Variants in RYR3 observed in about 807,000 individuals in gnomAD.
RYR3 encodes brain ryanodine receptor-calcium release channel.
RYR3 carries 207 observed loss-of-function variants against 584.3 expected under a neutral mutation model. The ratio of observed to expected loss-of-function variants is 0.35; its 90% CI spans 0.32 to 0.40. The LOEUF (loss-of-function observed/expected upper bound fraction) is 0.40, where lower values mean the gene tolerates loss of function less well. RYR3 is among the 10% of genes least tolerant of loss of function. The pLI, the probability that RYR3 is intolerant of heterozygous loss-of-function variation, is 1.00. For missense variants in RYR3, 5,616 were observed against 6,089.2 expected (o/e 0.92, Z 2.59); for synonymous variants, 2,416 against 2,248.5 (o/e 1.07, Z -2.11).
At chr15:33,758,506 C>T (rs2072090291) in intron 60 of RYR3, among the ~76,000 whole-genome samples, 1 of 152,176 alleles carries the variant, frequency 6.6e-6, no homozygotes, top group Non-Finnish European at 1.5e-5. Context: ...TTTCCCCTCA[C>T]AGTATAAACA....
intron 7 of RYR3, among the ~76,000 whole-genome samples, chr15:33,541,513 T>G (rs2055813218): frequency 6.6e-6 from 1 of 152,184 alleles, no homozygotes; most frequent in Non-Finnish European, 1.5e-5. Flanking sequence ...CTTACCTCAC[T>G]CATAGGTAAT....
At chr15:33,539,587 AC>A (rs1469132801) in intron 6 of RYR3, 125 bp downstream of exon 6, 1 of 580,274 alleles carries the variant, frequency 1.7e-6, no homozygotes, top group Admixed American at 2.8e-5. Flanking sequence ...TATAGAGTTG[AC>A]CCTTAAACAA....
chr15:33,419,427 A>G (rs1322305747), intron 1 of RYR3, among the ~76,000 whole-genome samples: 1 of 152,178 alleles, frequency 6.6e-6, no homozygotes. Flanking sequence ...TGTGCCAGGA[A>G]GTAATCAGTC....
At chr15:33,573,373 G>A (rs1275407883) in intron 12 of RYR3, among the ~76,000 whole-genome samples, 3 of 152,196 alleles carry the variant, frequency 2.0e-5, no homozygotes. Flanking sequence ...AAACCAGGAG[G>A]AGGGGTGGCC....
intron 3 of RYR3, among the ~76,000 whole-genome samples, chr15:33,526,345 C>G (rs920311404): frequency 4.5e-4 from 69 of 152,272 alleles, no homozygotes; most frequent in African/African-American, 1.6e-3. Flanking sequence ...CCCTGATCCA[C>G]CCCCATCCTG....
chr15:33,857,559 T>G (rs1230509526), intron 98 of RYR3, among the ~76,000 whole-genome samples: 1 of 152,070 alleles, frequency 6.6e-6, no homozygotes, highest in African/African-American at 2.4e-5. Flanking sequence ...CACCCCATCA[T>G]TACTCTTTTC....
intron 1 of RYR3, among the ~76,000 whole-genome samples, chr15:33,443,869 G>A (rs1362875044): frequency 4.6e-5 from 7 of 152,106 alleles, no homozygotes; most frequent in Non-Finnish European, 5.9e-5. Flanking sequence ...AGATTTCAGC[G>A]TCTGTGTTGA....
chr15:33,627,963 A>C (rs1436440047), intron 20 of RYR3, among the ~76,000 whole-genome samples: 9 of 152,212 alleles, frequency 5.9e-5, no homozygotes, highest in Non-Finnish European at 2.9e-5. Context: ...TTCCAGGCTT[A>C]AAGAGGTAGT....
At chr15:33,839,708 C>A (rs1235405342) in intron 89 of RYR3, 1 of 152,224 alleles carries the variant, frequency 6.6e-6, no homozygotes, top group African/African-American at 2.4e-5. Context: ...AACACACTGT[C>A]CCTACAGCTT....
chr15:33,633,814 T>A (rs1325334180), intron 24 of RYR3, among the ~76,000 whole-genome samples: 1 of 152,216 alleles, frequency 6.6e-6, no homozygotes, highest in Non-Finnish European at 1.5e-5. Context: ...ACTACAAATG[T>A]GTGTCCTCTG....
chr15:33,374,607 A>T (rs2040589542), intron 1 of RYR3, among the ~76,000 whole-genome samples: 1 of 152,212 alleles, frequency 6.6e-6, no homozygotes, highest in African/African-American at 2.4e-5. Context: ...CCTTTGGGAC[A>T]GTTTGAAGTT....
Position 33,639,760 on chromosome 15 carries a change from T to G in RYR3, c.3556+3210T>G, listed in dbSNP as rs565531978. Among the ~76,000 whole-genome samples the G allele has an allele frequency of 2.0e-5, 3 of 152,338 alleles. No individual in the cohort carries two copies. In the East Asian group the frequency reaches 5.8e-4, roughly 29 times the overall value. ...CTTACAAGTTGTCATTTCCATCCTC[T>G]TATGCATCATAGATTATATGCCTTT... On this transcript the variant is annotated intron_variant, in intron 27 of 103. Coordinates refer to ENST00000634891, the MANE Select transcript of RYR3 (RefSeq NM_001036.6).
intron 39 of RYR3, 94 bp downstream of exon 39, chr15:33,696,585 TATTA>T: frequency 3.0e-6 from 4 of 1,321,516 alleles, no homozygotes; most frequent in Non-Finnish European, 4.2e-6. Context: ...AATCAAATCA[TATTA>T]AATCTTTGTG....
At chr15:33,644,222 A>T in intron 27 of RYR3, 89 bp from the exon 28 acceptor site, 1 of 952,986 alleles carries the variant, frequency 1.0e-6, no homozygotes, top group Non-Finnish European at 1.6e-6. Context: ...TGGGAGTCAA[A>T]GCCCTTAAGG....
In RYR3 at chr15:33,830,894, C is replaced by G. The variant is rs535586155; in HGVS notation, c.11335-69C>G. On this transcript the variant is annotated intron_variant, in intron 85 of 103. Transcript: ENST00000634891. ...AGATGCAGGATTATCATGTACCCTT[C>G]CCAAACACCGAGTTTAGCTTCACTG... is the stretch of plus-strand genomic sequence containing the variant. The G allele has an allele frequency of 2.2e-4, 342 of 1,540,808 alleles. 1 individual carries two copies. In the South Asian group the frequency reaches 4.0e-3, roughly 18 times the overall value.
Position 33,838,328 on chromosome 15 carries a change from A to T in RYR3, c.12348A>T (p.Glu4116Asp), listed in dbSNP as rs532925135. 9.1e-5 allele frequency: 147 copies of T among 1,614,028 alleles called. No homozygotes were observed. In the South Asian group the frequency reaches 1.5e-3, roughly 17 times the overall value. ...DSADRPEEEE[E>D]DEDSSYVLEI... ...CTGACAGGCCAGAAGAGGAGGAAGA[A>T]GATGAAGATTCTTCTTACGTGTTAG... Residue 4116 changes from glutamate to aspartate, a missense_variant, in exon 89 of 104, where the codon GAA becomes GAT. By Grantham distance (45) the Glu-to-Asp change is conservative (BLOSUM62 2). Transcript: ENST00000634891.
At chr15:33,366,059 C>T (rs761506980) in intron 1 of RYR3, among the ~76,000 whole-genome samples, 1 of 152,054 alleles carries the variant, frequency 6.6e-6, no homozygotes, top group Non-Finnish European at 1.5e-5. Context: ...GAGAATTGTG[C>T]GTGGAAACTA....
chr15:33,703,817 C>T (rs2066476892), intron 42 of RYR3, among the ~76,000 whole-genome samples: 1 of 152,106 alleles, frequency 6.6e-6, no homozygotes, highest in Non-Finnish European at 1.5e-5. Flanking sequence ...CAGATTCAAT[C>T]AGTATTTCCA....
chr15:33,508,767 T>C (rs1486427402), intron 3 of RYR3, among the ~76,000 whole-genome samples: 3 of 152,238 alleles, frequency 2.0e-5, no homozygotes, highest in Non-Finnish European at 4.4e-5. Context: ...CCCGTATTAC[T>C]TGTGTGATTT....
Sources: allele counts gnomAD v4.1 joint callset (sites outside exome capture counted in the v4.1 genomes callset), GRCh38; gene constraint gnomAD v4.1.1; transcripts MANE v1.5; gene names NCBI Gene and HGNC (gene_info 2026-07-23, HGNC 2026-07-21).